MDGA2: variants seen among roughly 807,000 people sequenced by gnomAD.
MDGA2 encodes MAM domain containing glycosylphosphatidylinositol anchor 2, also known as MAM domain-containing glycosylphosphatidylinositol anchor protein 2.
A neutral mutation model predicts 117.8 loss-of-function variants in MDGA2; 40 were observed. The ratio of observed to expected loss-of-function variants is 0.34; its 90% CI spans 0.26 to 0.44. The LOEUF (loss-of-function observed/expected upper bound fraction) is 0.44. Among genes scored for constraint, MDGA2 ranks in the 20% least tolerant of loss-of-function variants. The pLI, the probability that MDGA2 is intolerant of heterozygous loss-of-function variation, is 1.00. For missense variants in MDGA2, 1,123 were observed against 1,250.6 expected, an observed-to-expected ratio of 0.90 and a Z score of 1.54; for synonymous variants, 452 against 439.0, an observed-to-expected ratio of 1.03 and a Z score of -0.37.
Position 47,025,917 on chromosome 14 carries a change from G to A in MDGA2, c.1819+9094C>T, listed in dbSNP as rs531809677. Among the ~76,000 whole-genome samples the A allele has an allele frequency of 1.5e-4, 23 of 152,164 alleles. No homozygotes were observed. In the South Asian group the frequency reaches 4.8e-3, roughly 31 times the overall value. On this transcript the variant is annotated intron_variant, in intron 8 of 16. Transcript: ENST00000399232. Reference sequence around the variant, plus strand: ...TGGAAGGGCATGTTGGCAAGCTATTGTTTCTGTCTTATACCCTTGTGTATG... The same window carrying A: ...TGGAAGGGCATGTTGGCAAGCTATTATTTCTGTCTTATACCCTTGTGTATG...
intron 2 of MDGA2, among the ~76,000 whole-genome samples, chr14:47,266,683 G>C (rs1405261209): frequency 2.0e-5 from 3 of 152,144 alleles, no homozygotes; most frequent in African/African-American, 7.2e-5. Context: ...CCCTCTTAGA[G>C]TGACTGATTT....
chr14:47,466,831 T>C (rs1370297232), intron 1 of MDGA2, among the ~76,000 whole-genome samples: 1 of 152,096 alleles, frequency 6.6e-6, no homozygotes, highest in Non-Finnish European at 1.5e-5. Flanking sequence ...TAACATATTA[T>C]AATACAAAAT....
chr14:47,494,178 G>T (rs145318409), intron 1 of MDGA2, among the ~76,000 whole-genome samples: 1 of 152,244 alleles, frequency 6.6e-6, no homozygotes, highest in East Asian at 1.9e-4. Flanking sequence ...TGAACTGTGT[G>T]AATCAATTAA....
intron 1 of MDGA2, among the ~76,000 whole-genome samples, chr14:47,505,594 C>A (rs539845120): frequency 6.6e-6 from 1 of 152,052 alleles, no homozygotes. Flanking sequence ...TTTTAATAAT[C>A]CATTCTAGTA....
At chr14:47,024,278 T>G (rs113460643) in intron 8 of MDGA2, among the ~76,000 whole-genome samples, 40 of 152,308 alleles carry the variant, frequency 2.6e-4, no homozygotes, top group African/African-American at 9.4e-4. Context: ...TTACATCTTT[T>G]AACTGAGCTA....
intron 1 of MDGA2, among the ~76,000 whole-genome samples, chr14:47,645,394 C>T (rs1897508547): frequency 6.6e-6 from 1 of 151,868 alleles, no homozygotes; most frequent in Non-Finnish European, 1.5e-5. Flanking sequence ...ACACCTCGCC[C>T]GGCTAATTTT....
At chr14:46,917,255 A>T (rs1049826870) in intron 10 of MDGA2, among the ~76,000 whole-genome samples, 18 of 152,260 alleles carry the variant, frequency 1.2e-4, no homozygotes, top group African/African-American at 3.9e-4. Context: ...TAAAACTCAA[A>T]TAATAAAAAT....
At chr14:46,915,865 G>T (rs1461370698) in intron 10 of MDGA2, among the ~76,000 whole-genome samples, 2 of 152,154 alleles carry the variant, frequency 1.3e-5, no homozygotes, top group East Asian at 3.9e-4. Flanking sequence ...CAGCGGCCAG[G>T]CTTCTGAACC....
At chr14:47,661,136 A>G (rs1897837495) in intron 1 of MDGA2, among the ~76,000 whole-genome samples, 1 of 152,152 alleles carries the variant, frequency 6.6e-6, no homozygotes, top group Admixed American at 6.5e-5. Flanking sequence ...TTTATGATTT[A>G]ATTAGAATAA....
chr14:47,633,299 CCCATAAG>C (rs1897270329), intron 1 of MDGA2, among the ~76,000 whole-genome samples: 2 of 152,048 alleles, frequency 1.3e-5, no homozygotes, highest in African/African-American at 4.8e-5. Flanking sequence ...CAGAGATGAG[CCCATAAG>C]AACACCAGTT....
chr14:47,655,165 C>T (rs1897720324), intron 1 of MDGA2, among the ~76,000 whole-genome samples: 1 of 152,050 alleles, frequency 6.6e-6, no homozygotes, highest in South Asian at 2.1e-4. Flanking sequence ...CAAATTCAAC[C>T]AAGTAGAAGC....
At chr14:47,279,233 T>A (rs1888398374) in intron 2 of MDGA2, among the ~76,000 whole-genome samples, 2 of 152,182 alleles carry the variant, frequency 1.3e-5, no homozygotes, top group African/African-American at 4.8e-5. Context: ...GTATGCATAC[T>A]GATAGAGTAT....
chr14:46,987,928 G>C (rs1047876589), intron 8 of MDGA2, among the ~76,000 whole-genome samples: 2 of 104,246 alleles, frequency 1.9e-5, no homozygotes, highest in African/African-American at 3.5e-5. Context: ...ATTCTGGGGT[G>C]GGGGGGGGTG....
At chr14:46,911,269 G>A (rs960933676) in intron 10 of MDGA2, among the ~76,000 whole-genome samples, 1 of 152,094 alleles carries the variant, frequency 6.6e-6, no homozygotes, top group Non-Finnish European at 1.5e-5. Flanking sequence ...GTCTGATAAA[G>A]CAATTTAAAC....
intron 1 of MDGA2, among the ~76,000 whole-genome samples, chr14:47,673,612 CACT>C (rs986356934): frequency 7.0e-6 from 1 of 143,736 alleles, no homozygotes; most frequent in African/African-American, 2.6e-5. Flanking sequence ...CATTTTAGTC[CACT>C]ATTAACTATG....
intron 1 of MDGA2, among the ~76,000 whole-genome samples, chr14:47,526,285 A>G (rs1894972269): frequency 6.6e-6 from 1 of 152,214 alleles, no homozygotes; most frequent in Non-Finnish European, 1.5e-5. Context: ...TATTATAAAT[A>G]GTACACAAGA....
chr14:47,137,831 T>C (rs1388271111), intron 4 of MDGA2, among the ~76,000 whole-genome samples: 4 of 152,250 alleles, frequency 2.6e-5, no homozygotes, highest in African/African-American at 7.2e-5. Context: ...AGAGTTGTTC[T>C]GGGTGAGTTA....
intron 8 of MDGA2, chr14:46,996,711 T>C (rs997502117): frequency 1.9e-5 from 3 of 159,658 alleles, no homozygotes; most frequent in African/African-American, 7.2e-5. Context: ...CACCAGTGAT[T>C]TAATGCAGAC....
At chr14:47,046,227 T>C (rs1418766391) in intron 7 of MDGA2, among the ~76,000 whole-genome samples, 1 of 152,034 alleles carries the variant, frequency 6.6e-6, no homozygotes, top group East Asian at 1.9e-4. Context: ...GGCTGAGATA[T>C]TCATTTACTA....
Sources: gnomAD v4.1 joint callset for allele counts (sites outside exome capture counted in the v4.1 genomes callset) on GRCh38, gnomAD v4.1.1 for gene constraint, MANE v1.5 for transcripts, NCBI Gene and HGNC (gene_info 2026-07-23, HGNC 2026-07-21) for gene names.